MYO16: variants seen among roughly 807,000 people sequenced by gnomAD.
The protein encoded by MYO16 is myosin XVI, also known as unconventional myosin-XVI.
Under a neutral mutation model 205.3 loss-of-function variants are expected in MYO16, and 94 were observed. The ratio of observed to expected loss-of-function variants is 0.46; its 90% CI spans 0.39 to 0.54. MYO16 has a LOEUF of 0.54. Among genes scored for constraint, MYO16 ranks in the 20% least tolerant of loss-of-function variants. The pLI, the probability that MYO16 is intolerant of heterozygous loss-of-function variation, is 0.00. For synonymous variants in MYO16, 988 were observed against 954.0 expected, an observed-to-expected ratio of 1.04 and a Z score of -0.66; for missense variants, 2,315 against 2,387.5, an observed-to-expected ratio of 0.97 and a Z score of 0.63.
chr13:109,170,651 T>TC (rs1194560619), intron 33 of MYO16, among the ~76,000 whole-genome samples: 1 of 149,586 alleles, frequency 6.7e-6, no homozygotes, highest in Non-Finnish European at 1.5e-5. Context: ...TCGGAAATGA[T>TC]CCTAAAAAAC....
the MYO16 span, among the ~76,000 whole-genome samples, chr13:108,531,412 GT>G: frequency 6.6e-6 from 1 of 152,158 alleles, no homozygotes; most frequent in Non-Finnish European, 1.5e-5. Flanking sequence ...TGCTGACTAG[GT>G]GGCAGAAGTG....
At chr13:109,065,957 TATTATGCTTGGCATGGTGAGGG>T (rs1887735959) in intron 27 of MYO16, among the ~76,000 whole-genome samples, 1 of 152,226 alleles carries the variant, frequency 6.6e-6, no homozygotes, top group Non-Finnish European at 1.5e-5. Flanking sequence ...GAGGGTTGGC[TATTATGCTTGGCATGGTGAGGG>T]ACCGTGAGCT....
chr13:108,597,631 T>A (rs1363305850), intron 1 of MYO16, among the ~76,000 whole-genome samples: 1 of 152,206 alleles, frequency 6.6e-6, no homozygotes, highest in Non-Finnish European at 1.5e-5. Context: ...ACTCATTTTA[T>A]AAAATGCAAT....
At chr13:108,985,884 T>C (rs963576396) in intron 20 of MYO16, among the ~76,000 whole-genome samples, 12 of 152,228 alleles carry the variant, frequency 7.9e-5, no homozygotes, top group African/African-American at 2.9e-4. Flanking sequence ...ACTGTTTTAT[T>C]GACGTATGTA....
At chr13:109,082,965 A>C (rs1416178849) in intron 27 of MYO16, among the ~76,000 whole-genome samples, 2 of 152,208 alleles carry the variant, frequency 1.3e-5, no homozygotes, top group Non-Finnish European at 2.9e-5. Flanking sequence ...TTCTGGCAGA[A>C]GATATATATT....
At chr13:109,148,200 T>A (rs186141054) in intron 32 of MYO16, among the ~76,000 whole-genome samples, 1 of 152,156 alleles carries the variant, frequency 6.6e-6, no homozygotes, top group Non-Finnish European at 1.5e-5. Flanking sequence ...ACCAAATTTA[T>A]CTATGTTAAG....
In MYO16 at chr13:108,871,358, G is replaced by GTT. The variant is rs1212524746; in HGVS notation, c.1425+5117_1425+5118insTT. 1.3e-4 allele frequency among the ~76,000 whole-genome samples: 18 copies of GTT among 135,410 alleles called. No homozygotes were observed. The East Asian group carries it at 3.6e-3, about 27-fold the overall frequency. The allele number at this position is 135,410 out of a possible 152,430, so 88.8% of individuals were successfully genotyped here. A position where few individuals can be genotyped will look rare whatever the true frequency, so the allele number is the denominator to read the frequency against. On this transcript the variant is annotated intron_variant, in intron 12 of 34. Coordinates refer to ENST00000457511, the MANE Select transcript of MYO16 (RefSeq NM_001198950.3). ...TGTGTGTGTGTGTGTGTGTGTGTGT[G>GTT]TGTGTCTGTGTGTTGGTTTTACATA...
At chr13:109,098,619 C>A (rs1284606457) in intron 27 of MYO16, among the ~76,000 whole-genome samples, 1 of 152,086 alleles carries the variant, frequency 6.6e-6, no homozygotes, top group Non-Finnish European at 1.5e-5. Context: ...TGCATCTCAT[C>A]GATTTGCTGA....
At chr13:108,905,478 C>T (rs797013811) in intron 15 of MYO16, among the ~76,000 whole-genome samples, 39 of 152,220 alleles carry the variant, frequency 2.6e-4, no homozygotes, top group African/African-American at 6.3e-4. Flanking sequence ...GAGCATAGGA[C>T]CAGCCATGTC....
intron 12 of MYO16, among the ~76,000 whole-genome samples, chr13:108,870,605 G>C (rs1191593354): frequency 4.6e-5 from 6 of 130,686 alleles, no homozygotes; most frequent in South Asian, 2.9e-4. Context: ...AGTTTTTAAT[G>C]ATTGCATTTT....
upstream of MYO16, among the ~76,000 whole-genome samples, chr13:108,625,945 A>G (rs749616): frequency 0.018 from 2,682 of 152,372 alleles, 78 homozygotes; most frequent in South Asian, 0.098. Context: ...TTGTCCAAAT[A>G]GGTTTTAAAT....
chr13:108,892,173 A>T (rs1032493867), intron 14 of MYO16, among the ~76,000 whole-genome samples: 2 of 152,198 alleles, frequency 1.3e-5, no homozygotes, highest in African/African-American at 4.8e-5. Context: ...ATGTGTGTTC[A>T]TTAATGACTT....
intron 7 of MYO16, among the ~76,000 whole-genome samples, chr13:108,811,768 C>T (rs1467028240): frequency 6.6e-6 from 1 of 152,102 alleles, no homozygotes. Context: ...ACTGCCTCTC[C>T]CCTCATCCAG....
chr13:108,754,490 T>C (rs138419721), intron 4 of MYO16, among the ~76,000 whole-genome samples: 4 of 151,872 alleles, frequency 2.6e-5, no homozygotes, highest in African/African-American at 7.3e-5. Context: ...TGAGCATGAA[T>C]AAAACTGCTA....
intron 34 of MYO16, among the ~76,000 whole-genome samples, chr13:109,199,356 G>A (rs891617581): frequency 2.0e-5 from 3 of 151,116 alleles, no homozygotes; most frequent in Non-Finnish European, 4.4e-5. Flanking sequence ...GAAGCAGGGA[G>A]CTCCTAGAGC....
intron 12 of MYO16, among the ~76,000 whole-genome samples, chr13:108,881,303 T>A (rs196143): frequency 0.15 from 22,777 of 152,088 alleles, 1,791 homozygotes; most frequent in East Asian, 0.3. Flanking sequence ...CTATCATCAA[T>A]GACCAAAGGT....
chr13:108,566,290 T>G, the MYO16 span, among the ~76,000 whole-genome samples: 2 of 152,202 alleles, frequency 1.3e-5, no homozygotes, highest in Admixed American at 6.5e-5. Flanking sequence ...TTGTTTATTC[T>G]AAATGTTCTA....
rs527634030 is a variant in MYO16, at chr13:108,635,898, T to C, written c.28+6026T>C. On this transcript the variant is annotated intron_variant, in intron 1 of 34. Transcript: ENST00000457511. ...AAAATATGTCTCTGTTCTATGGATT[T>C]TTGGTTTCATTTATTGCTTTGGGTA... Among the ~76,000 whole-genome samples, 13 of 152,304 alleles carry C rather than the reference T, an allele frequency of 8.5e-5. 1 individual carries two copies. In the East Asian group the frequency reaches 1.7e-3, roughly 20 times the overall value.
At chr13:108,929,033 AC>A (rs1251183732) in intron 16 of MYO16, among the ~76,000 whole-genome samples, 1 of 152,240 alleles carries the variant, frequency 6.6e-6, no homozygotes, top group Non-Finnish European at 1.5e-5. Context: ...GGTAATGAAA[AC>A]AAAAGGTATA....
Sources: gnomAD v4.1 joint callset for allele counts (sites outside exome capture counted in the v4.1 genomes callset) on GRCh38, gnomAD v4.1.1 for gene constraint, MANE v1.5 for transcripts, NCBI Gene and HGNC (gene_info 2026-07-23, HGNC 2026-07-21) for gene names.